Variants in EPHA6 observed in about 807,000 individuals in gnomAD.
EPHA6 encodes EPH receptor A6, also known as ephrin type-A receptor 6.
Under a neutral mutation model 112.0 loss-of-function variants are expected in EPHA6, and 50 were observed. The observed-to-expected ratio is 0.45, with a 90% CI of 0.36 to 0.56. EPHA6 has a LOEUF of 0.56. Among genes scored for constraint, EPHA6 ranks in the 20% least tolerant of loss-of-function variants. EPHA6 has a pLI of 0.00. For synonymous variants in EPHA6, 529 were observed against 490.7 expected, an observed-to-expected ratio of 1.08 and a Z score of -1.03; for missense variants, 1,280 against 1,417.4, an observed-to-expected ratio of 0.90 and a Z score of 1.56.
chr3:97,461,472 A>G (rs2090887652), intron 7 of EPHA6, among the ~76,000 whole-genome samples: 1 of 152,140 alleles, frequency 6.6e-6, no homozygotes, highest in Admixed American at 6.5e-5. Context: ...ATGCATGTAA[A>G]GTACTTAACA....
At chr3:97,261,360 A>T (rs2108619501) in intron 5 of EPHA6, among the ~76,000 whole-genome samples, 1 of 152,296 alleles carries the variant, frequency 6.6e-6, no homozygotes, top group Middle Eastern at 3.4e-3. Flanking sequence ...CCATATCTCT[A>T]CCACTGTTGA....
At chr3:97,118,602 C>T (rs943619896) in intron 3 of EPHA6, among the ~76,000 whole-genome samples, 1 of 151,808 alleles carries the variant, frequency 6.6e-6, no homozygotes, top group Non-Finnish European at 1.5e-5. Context: ...TCACCATATT[C>T]ATTTCAGTTT....
chr3:97,617,081 C>A (rs528577445), intron 13 of EPHA6, among the ~76,000 whole-genome samples: 20 of 152,254 alleles, frequency 1.3e-4, no homozygotes, highest in African/African-American at 4.3e-4. Context: ...AACAGAGAAC[C>A]TTTTAGCAGA....
rs11390262 is a variant in EPHA6 at position 97,174,093 on chromosome 3, AT to A, written c.1115-52160del. Among the ~76,000 whole-genome samples, 263 of 148,134 alleles carry A rather than the reference AT, an allele frequency of 1.8e-3. 1 individual carries two copies. The highest frequency in any genetic ancestry group is 2.9e-3 in the Non-Finnish European group (193 of 66,494). Reference sequence around the variant, plus strand: ...TCTACCCTGTATGTTCATGAGTTCAATTTTTTTTTTTAATTTTTAGATCCCA... The same window carrying A: ...TCTACCCTGTATGTTCATGAGTTCAATTTTTTTTTTAATTTTTAGATCCCA... On this transcript the variant is annotated intron_variant, in intron 3 of 17. Coordinates refer to ENST00000389672, the MANE Select transcript of EPHA6 (RefSeq NM_001080448.3).
chr3:96,947,458 TTTTGTCAGG>T (rs2041327291), intron 2 of EPHA6, among the ~76,000 whole-genome samples: 1 of 152,176 alleles, frequency 6.6e-6, no homozygotes, highest in Non-Finnish European at 1.5e-5. Flanking sequence ...CATTTCTTGT[TTTTGTCAGG>T]TTTGTCAAAG....
At chr3:97,119,801 A>T (rs924921341) in intron 3 of EPHA6, among the ~76,000 whole-genome samples, 1 of 152,036 alleles carries the variant, frequency 6.6e-6, no homozygotes, top group Admixed American at 6.6e-5. Context: ...CAAATGGTTT[A>T]TGGTAAACTC....
chr3:97,016,194 A>G (rs1368045617), intron 3 of EPHA6, among the ~76,000 whole-genome samples: 1 of 152,178 alleles, frequency 6.6e-6, no homozygotes, highest in Admixed American at 6.5e-5. Flanking sequence ...ATATTCAGAT[A>G]GTTATTTATA....
chr3:97,491,313 G>A (rs2091831877), intron 10 of EPHA6, among the ~76,000 whole-genome samples: 2 of 152,174 alleles, frequency 1.3e-5, no homozygotes, highest in Admixed American at 1.3e-4. Flanking sequence ...ATTACCAGGA[G>A]TGATTTCTCC....
intron 13 of EPHA6, among the ~76,000 whole-genome samples, chr3:97,625,383 T>C (rs2093847376): frequency 6.6e-6 from 1 of 151,818 alleles, no homozygotes; most frequent in Admixed American, 6.6e-5. Flanking sequence ...TCTTACTTTA[T>C]CTGTTGTAGT....
intron 14 of EPHA6, among the ~76,000 whole-genome samples, chr3:97,640,215 T>G (rs533350211): frequency 6.6e-6 from 1 of 152,098 alleles, no homozygotes; most frequent in East Asian, 1.9e-4. Context: ...TTAGGAGAAT[T>G]TATTACGCTG....
intron 3 of EPHA6, among the ~76,000 whole-genome samples, chr3:97,073,281 G>A (rs1457000602): frequency 4.6e-5 from 7 of 152,024 alleles, no homozygotes; most frequent in African/African-American, 1.2e-4. Context: ...CATGCCGCTC[G>A]TTGTTTCTTT....
intron 3 of EPHA6, among the ~76,000 whole-genome samples, chr3:97,203,701 A>C (rs1376877059): frequency 1.3e-5 from 2 of 152,160 alleles, no homozygotes; most frequent in Non-Finnish European, 2.9e-5. Flanking sequence ...AATCCATCTC[A>C]AGTACTAATC....
intron 5 of EPHA6, among the ~76,000 whole-genome samples, chr3:97,278,559 C>T (rs2080176316): frequency 6.6e-6 from 1 of 152,152 alleles, no homozygotes; most frequent in Admixed American, 6.5e-5. Flanking sequence ...GTTGTCAATT[C>T]TAGGAAAGAA....
At chr3:97,525,947 G>A (rs2092613456) in intron 10 of EPHA6, among the ~76,000 whole-genome samples, 1 of 152,168 alleles carries the variant, frequency 6.6e-6, no homozygotes, top group African/African-American at 2.4e-5. Flanking sequence ...CAGGACTCCT[G>A]TTGGATAACT....
intron 2 of EPHA6, among the ~76,000 whole-genome samples, chr3:96,932,754 C>T (rs1345866312): frequency 6.6e-6 from 1 of 152,044 alleles, no homozygotes; most frequent in Non-Finnish European, 1.5e-5. Flanking sequence ...ACCACCATCT[C>T]TAAAATGCGT....
intron 5 of EPHA6, among the ~76,000 whole-genome samples, chr3:97,265,517 C>T (rs1467360967): frequency 6.6e-6 from 1 of 152,226 alleles, no homozygotes; most frequent in Non-Finnish European, 1.5e-5. Context: ...CCCAGCCCTC[C>T]TGCTCTGAGA....
chr3:97,040,744 A>C (rs1294514271), intron 3 of EPHA6, among the ~76,000 whole-genome samples: 2 of 152,234 alleles, frequency 1.3e-5, no homozygotes, highest in African/African-American at 2.4e-5. Context: ...CATAATCTGC[A>C]ACAGCAAAGC....
Position 96,987,332 on chromosome 3 carries a change from G to T in EPHA6, c.453G>T (p.Trp151Cys). 1.9e-6 allele frequency: 3 copies of T among 1,585,512 alleles called. No individual in the cohort carries two copies. Among genetic ancestry groups the T allele is most frequent in the Non-Finnish European group, 2.6e-6 (3 of 1,161,080 alleles). ...ATTACTTTTTTCCCTTTTTGCAGTGGGATGCCATCACTGAAATGGATGAAC... is the reference window on the plus strand; with the variant it reads ...ATTACTTTTTTCCCTTTTTGCAGTGTGATGCCATCACTGAAATGGATGAAC... Reference protein sequence around the residue: ...LGWKTYPLNGWDAITEMDEHN... With the variant: ...LGWKTYPLNGCDAITEMDEHN... Residue 151 changes from tryptophan to cysteine, a missense_variant and splice_region_variant, in exon 3 of 18, where the codon TGG becomes TGT. Trp to Cys is a radical substitution (Grantham distance 215). This residue lies in a region of EPHA6 where 878 missense variants were observed against 999.7 expected (regional missense o/e 0.88). Transcript: ENST00000389672.
intron 16 of EPHA6, among the ~76,000 whole-genome samples, chr3:97,746,182 T>C (rs2035708246): frequency 6.6e-6 from 1 of 151,896 alleles, no homozygotes; most frequent in South Asian, 2.1e-4. Flanking sequence ...AACTTCAATA[T>C]TCCAATAAAA....
Sources: allele counts gnomAD v4.1 joint callset (sites outside exome capture counted in the v4.1 genomes callset), GRCh38; gene constraint gnomAD v4.1.1; regional missense constraint gnomAD v4.1.1; transcripts MANE v1.5; gene names NCBI Gene and HGNC (gene_info 2026-07-23, HGNC 2026-07-21).